Variants in MYO16 observed in about 807,000 individuals in gnomAD.
MYO16 encodes the protein unconventional myosin-XVI.
A neutral mutation model predicts 205.3 loss-of-function variants in MYO16; 94 were observed. That is an observed-to-expected ratio of 0.46 (90% confidence interval 0.39 to 0.54). MYO16 has a LOEUF of 0.54. MYO16 is among the 20% of genes least tolerant of loss of function. The probability of loss-of-function intolerance (pLI) is 0.00; values close to 1 mark genes in which losing one functional copy is unlikely to be tolerated. For synonymous variants in MYO16, 988 were observed against 954.0 expected, an observed-to-expected ratio of 1.04 and a Z score of -0.66; for missense variants, 2,315 against 2,387.5, an observed-to-expected ratio of 0.97 and a Z score of 0.63.
At chr13:108,687,800 T>C (rs1486030749) in intron 2 of MYO16, among the ~76,000 whole-genome samples, 3 of 152,220 alleles carry the variant, frequency 2.0e-5, no homozygotes, top group Admixed American at 6.5e-5. Context: ...AAAGTTTGCA[T>C]TGGTAGAAGT....
intron 4 of MYO16, among the ~76,000 whole-genome samples, chr13:108,746,140 C>G (rs937231713): frequency 4.6e-5 from 7 of 152,062 alleles, no homozygotes; most frequent in Non-Finnish European, 1.0e-4. Context: ...TTGCAGTGAG[C>G]CGAGATTGTG....
intron 34 of MYO16, among the ~76,000 whole-genome samples, chr13:109,201,198 T>C (rs1880378232): frequency 1.3e-5 from 2 of 152,170 alleles, no homozygotes; most frequent in Admixed American, 1.3e-4. Flanking sequence ...ATTATTCTTT[T>C]AGTAATTTCA....
intron 4 of MYO16, among the ~76,000 whole-genome samples, chr13:108,761,334 G>T (rs892157382): frequency 2.0e-5 from 3 of 151,866 alleles, no homozygotes; most frequent in South Asian, 2.1e-4. Context: ...ACAAGATTCC[G>T]CAAACAGATT....
At chr13:108,710,693 C>A (rs548899976) in intron 2 of MYO16, among the ~76,000 whole-genome samples, 19 of 152,216 alleles carry the variant, frequency 1.2e-4, no homozygotes, top group Middle Eastern at 3.4e-3. Context: ...ACCTGTGTAA[C>A]CCTAAACCCA....
At chr13:108,587,060 G>A in the MYO16 span, among the ~76,000 whole-genome samples, 14 of 152,208 alleles carry the variant, frequency 9.2e-5, no homozygotes, top group Non-Finnish European at 1.6e-4. Flanking sequence ...TGCTGCAGCT[G>A]AGGAGATGGG....
intron 7 of MYO16, among the ~76,000 whole-genome samples, chr13:108,810,945 G>A (rs938739093): frequency 6.6e-6 from 1 of 152,142 alleles, no homozygotes; most frequent in African/African-American, 2.4e-5. Flanking sequence ...CAAAAGAGAT[G>A]CTTGTTCTTT....
At chr13:108,953,169 T>C (rs912252923) in intron 16 of MYO16, among the ~76,000 whole-genome samples, 2 of 152,280 alleles carry the variant, frequency 1.3e-5, no homozygotes, top group African/African-American at 4.8e-5. Context: ...TTCACGTCAG[T>C]ATACAACAGC....
intron 11 of MYO16, among the ~76,000 whole-genome samples, chr13:108,865,317 T>C (rs559798337): frequency 6.6e-6 from 1 of 152,310 alleles, no homozygotes; most frequent in South Asian, 2.1e-4. Context: ...GTTATTTCTT[T>C]ATATATGTGA....
upstream of MYO16, among the ~76,000 whole-genome samples, chr13:108,592,198 G>T (rs1878417949): frequency 9.9e-6 from 1 of 101,202 alleles, no homozygotes; most frequent in Non-Finnish European, 2.1e-5. Flanking sequence ...GAGGGGTGTG[G>T]GGGGTTATGG....
intron 1 of MYO16, among the ~76,000 whole-genome samples, chr13:108,642,890 T>A (rs1204491122): frequency 2.0e-5 from 3 of 152,212 alleles, no homozygotes; most frequent in Admixed American, 2.0e-4. Flanking sequence ...CATAACTGAA[T>A]CCCCTCAGTA....
intron 16 of MYO16, among the ~76,000 whole-genome samples, chr13:108,946,658 C>T (rs920652706): frequency 6.6e-6 from 1 of 151,904 alleles, no homozygotes; most frequent in Non-Finnish European, 1.5e-5. Context: ...AAGTGAAATG[C>T]GGAGAAGAGA....
chr13:108,983,940 A>G (rs1470238603), intron 20 of MYO16, among the ~76,000 whole-genome samples: 1 of 152,224 alleles, frequency 6.6e-6, no homozygotes, highest in African/African-American at 2.4e-5. Context: ...TAACATCAGG[A>G]AAAGGCAAAA....
chr13:108,708,001 G>A (rs1039839689), intron 2 of MYO16, among the ~76,000 whole-genome samples: 5 of 152,094 alleles, frequency 3.3e-5, no homozygotes, highest in African/African-American at 9.7e-5. Flanking sequence ...CCCTCCATCC[G>A]GTCACATTCC....
chr13:108,933,745 C>T (rs1364056318), intron 16 of MYO16, among the ~76,000 whole-genome samples: 2 of 152,018 alleles, frequency 1.3e-5, no homozygotes, highest in Non-Finnish European at 1.5e-5. Context: ...CAGCTCTTTC[C>T]CCTATACCTT....
chr13:108,992,689 T>A (rs1884876304), intron 21 of MYO16, among the ~76,000 whole-genome samples: 1 of 152,164 alleles, frequency 6.6e-6, no homozygotes. Flanking sequence ...CAATGCAAGA[T>A]GAAGACCAGA....
At chr13:108,668,380 G>A (rs769526397) in intron 2 of MYO16, among the ~76,000 whole-genome samples, 50 of 152,180 alleles carry the variant, frequency 3.3e-4, no homozygotes, top group Non-Finnish European at 5.9e-4. Flanking sequence ...AGAGCTGACA[G>A]GAAATGCTGA....
intron 27 of MYO16, among the ~76,000 whole-genome samples, chr13:109,060,416 T>G (rs1887553869): frequency 6.7e-6 from 1 of 150,052 alleles, no homozygotes; most frequent in Admixed American, 6.7e-5. Context: ...TTCTCACTCA[T>G]AAGTGAGAGT....
chr13:109,098,950 C>A (rs535876805), intron 27 of MYO16, among the ~76,000 whole-genome samples: 1 of 152,282 alleles, frequency 6.6e-6, no homozygotes, highest in South Asian at 2.1e-4. Flanking sequence ...AGCTTTTTCA[C>A]CATTCCAATT....
At chr13:109,021,641 G>T (rs1886025147) in intron 23 of MYO16, among the ~76,000 whole-genome samples, 1 of 152,116 alleles carries the variant, frequency 6.6e-6, no homozygotes, top group South Asian at 2.1e-4. Context: ...AGGATGCATG[G>T]GCGATGCCAT....
Sources: allele counts gnomAD v4.1 joint callset (sites outside exome capture counted in the v4.1 genomes callset), GRCh38; gene constraint gnomAD v4.1.1; transcripts MANE v1.5; gene names NCBI Gene and HGNC (gene_info 2026-07-23, HGNC 2026-07-21).